ABCC1: variants seen among roughly 807,000 people sequenced by gnomAD.
ABCC1 encodes the protein multidrug resistance-associated protein 1.
In ABCC1, 83 loss-of-function variants were observed where a neutral mutation model predicts 172.9. The observed-to-expected ratio is 0.48, with a 90% CI of 0.40 to 0.58. The LOEUF is 0.58. Ranked by LOEUF, ABCC1 falls within the 20% of genes least tolerant of loss-of-function variation. The probability of loss-of-function intolerance (pLI) is 0.00; values close to 1 mark genes in which losing one functional copy is unlikely to be tolerated. For missense variants in ABCC1, 1,817 were observed against 2,002.7 expected, an observed-to-expected ratio of 0.91 and a Z score of 1.77; for synonymous variants, 937 against 825.2, an observed-to-expected ratio of 1.14 and a Z score of -2.32.
At chr16:16,076,444 A>T in intron 15 of ABCC1, 43 bp downstream of exon 15, 1 of 1,538,962 alleles carries the variant, frequency 6.5e-7, no homozygotes, top group Middle Eastern at 1.7e-4. Context: ...GGAGAGAGCC[A>T]CAGGGCTTTT....
At position 16,111,427 on chromosome 16, in the gene ABCC1, C is replaced by A; in HGVS notation, c.2924C>A (p.Ser975Tyr). ...ATGAAGGCCATCGGACTCTTCATCT[C>A]CTTCCTCAGCATCTTCCTTTTCATG... ...DYMKAIGLFISFLSIFLFMCN... is the reference protein window; with the variant it reads ...DYMKAIGLFIYFLSIFLFMCN... Residue 975 changes from serine to tyrosine, a missense_variant, in exon 22 of 31, where the codon TCC becomes TAC. This residue lies in a region of ABCC1 where 1,412 missense variants were observed against 1,600.3 expected (regional missense o/e 0.88). Transcript: ENST00000399410. The A allele has an allele frequency of 6.2e-7, 1 of 1,614,164 alleles. No individual in the cohort carries two copies. The highest frequency in any genetic ancestry group is 8.5e-7 in the Non-Finnish European group (1 of 1,180,044).
chr16:16,126,284 G>C (rs934731181), intron 26 of ABCC1, among the ~76,000 whole-genome samples: 6 of 152,182 alleles, frequency 3.9e-5, no homozygotes, highest in Non-Finnish European at 8.8e-5. Flanking sequence ...CAATTGAGAT[G>C]ATCTCCCTTC....
intron 7 of ABCC1, among the ~76,000 whole-genome samples, chr16:16,037,792 G>A (rs1340387483): frequency 1.3e-5 from 2 of 152,200 alleles, no homozygotes; most frequent in African/African-American, 4.8e-5. Context: ...AGACCCAGAT[G>A]GTGGGTGGGA....
chr16:16,108,066 C>T (rs946442244), intron 21 of ABCC1, among the ~76,000 whole-genome samples: 2 of 151,952 alleles, frequency 1.3e-5, no homozygotes, highest in Non-Finnish European at 2.9e-5. Flanking sequence ...TCCTCTCTCG[C>T]CTTACCCTTA....
At chr16:16,125,740 A>AAG in intron 25 of ABCC1, 70 bp from the exon 26 acceptor site, 2 of 1,023,234 alleles carry the variant, frequency 2.0e-6, no homozygotes, top group East Asian at 2.8e-5. Flanking sequence ...ATCTCAGTGG[A>AAG]AAAAAAGAAA....
rs2046160606 is a variant in ABCC1, at chr16:16,142,502, C to G, written c.*1221C>G. On this transcript the variant is annotated 3_prime_UTR_variant, in exon 31 of 31. Transcript: ENST00000399410. ...AGATGTTAATTCTCTCCCTTGGCAT[C>G]CGGTTAGCCCCCCAGGGGGGGCAGC... 1 of 152,190 alleles carries G rather than the reference C, an allele frequency of 6.6e-6. No individual in the cohort carries two copies. 9.4% of individuals were successfully genotyped at this position (152,190 alleles called of 1,614,324 possible).
chr16:16,136,380 C>CA (rs1461670179), intron 28 of ABCC1, 98 bp from the exon 29 acceptor site: 2 of 1,344,374 alleles, frequency 1.5e-6, no homozygotes, highest in African/African-American at 2.9e-5. Flanking sequence ...TCTGATACCC[C>CA]ACCTTCAACA....
In ABCC1 at chr16:16,022,504, G is replaced by C. The variant is rs1168097539; in HGVS notation, c.615+5883G>C. Among the ~76,000 whole-genome samples the C allele has an allele frequency of 3.9e-5, 6 of 152,270 alleles. No individual in the cohort carries two copies. The East Asian group carries it at 1.2e-3, about 29-fold the overall frequency. Reference sequence around the variant, plus strand: ...AAAGGAGATCATTTATTAGGTCCCAGCTGAAAGCAGAGGTCCTTGGACCAG... The same window carrying C: ...AAAGGAGATCATTTATTAGGTCCCACCTGAAAGCAGAGGTCCTTGGACCAG... On this transcript the variant is annotated intron_variant, in intron 5 of 30. Transcript: ENST00000399410.
intron 1 of ABCC1, among the ~76,000 whole-genome samples, chr16:15,999,811 T>TCTCCC (rs1567298862): frequency 2.9e-5 from 1 of 34,136 alleles, no homozygotes; most frequent in African/African-American, 1.1e-4. Context: ...CTCTCTCTCC[T>TCTCCC]CTCTCTCTCT....
intron 19 of ABCC1, among the ~76,000 whole-genome samples, chr16:16,100,735 A>G (rs2152052085): frequency 6.6e-6 from 1 of 152,340 alleles, no homozygotes; most frequent in South Asian, 2.1e-4. Context: ...CCATCACTGA[A>G]CACTTGCTGT....
chr16:16,106,080 T>C (rs2052085106), intron 20 of ABCC1, among the ~76,000 whole-genome samples: 1 of 152,032 alleles, frequency 6.6e-6, no homozygotes, highest in African/African-American at 2.4e-5. Flanking sequence ...TTTCACCGTG[T>C]TGGCCAGGCT....
chr16:16,033,502 G>T (rs2048629757), intron 6 of ABCC1, among the ~76,000 whole-genome samples: 1 of 152,094 alleles, frequency 6.6e-6, no homozygotes, highest in African/African-American at 2.4e-5. Context: ...TATTGACATT[G>T]TCCCCCTCCT....
chr16:16,127,436 T>C (rs2045486829), intron 26 of ABCC1, among the ~76,000 whole-genome samples: 1 of 152,196 alleles, frequency 6.6e-6, no homozygotes, highest in Non-Finnish European at 1.5e-5. Context: ...TGAGCTCTAG[T>C]GATCTGCCTG....
chr16:16,106,820 A>G lies in ABCC1; in HGVS notation c.2818A>G (p.Lys940Glu). 2 of 1,614,178 alleles carry G rather than the reference A, an allele frequency of 1.2e-6. No homozygotes were observed. The highest frequency in any genetic ancestry group is 1.7e-6 in the Non-Finnish European group (2 of 1,180,032). Reference protein sequence around the residue: ...STAELQKAEAKKEETWKLMEA... With the variant: ...STAELQKAEAEKEETWKLMEA... ...CGCAGAACTGCAGAAAGCTGAGGCC[A>G]AGAAGGAGGAGACCTGGAAGCTGAT... The change falls in exon 21 of 31, where the codon AAG becomes GAG. Residue 940 changes from lysine to glutamate, a missense_variant. Transcript: ENST00000399410.
intron 1 of ABCC1, among the ~76,000 whole-genome samples, chr16:15,966,641 TTCTC>T (rs1159502242): frequency 7.0e-6 from 1 of 143,464 alleles, no homozygotes. Context: ...TAGTTTGCTT[TTCTC>T]TCTCTCTTTT....
chr16:15,956,969 C>T (rs1473616167), intron 1 of ABCC1, among the ~76,000 whole-genome samples: 2 of 152,036 alleles, frequency 1.3e-5, no homozygotes, highest in Non-Finnish European at 2.9e-5. Flanking sequence ...GGCTTTTGGG[C>T]GGTGTCGAAA....
chr16:16,104,666 C>T (rs1596507015), intron 20 of ABCC1, among the ~76,000 whole-genome samples: 2 of 152,300 alleles, frequency 1.3e-5, no homozygotes, highest in African/African-American at 2.4e-5. Context: ...TGCCGTGCGC[C>T]CTCACTCCTC....
rs1406137716 is a variant in ABCC1, at chr16:16,143,003, A to G, written c.*1722A>G. 19 of 152,294 alleles carry G rather than the reference A, an allele frequency of 1.2e-4. 1 individual carries two copies. Among genetic ancestry groups the G allele is most frequent in the Admixed American group, 1.2e-3 (19 of 15,278 alleles). 9.4% of individuals were successfully genotyped at this position (152,294 alleles called of 1,614,324 possible). ...AGTTTTGGGGGATCCTTTTGTAATG[A>G]CTTACACTGGAAATGCGAACATTTG... On this transcript the variant is annotated 3_prime_UTR_variant, in exon 31 of 31. Transcript: ENST00000399410.
intron 7 of ABCC1, among the ~76,000 whole-genome samples, chr16:16,040,699 G>T (rs1006662004): frequency 1.1e-4 from 16 of 151,742 alleles, no homozygotes; most frequent in Non-Finnish European, 1.9e-4. Context: ...TGTTGCCCAG[G>T]CTGGTCTCCA....
Sources: gnomAD v4.1 joint callset for allele counts (sites outside exome capture counted in the v4.1 genomes callset) on GRCh38, gnomAD v4.1.1 for gene constraint, gnomAD v4.1.1 regional missense constraint, MANE v1.5 for transcripts, NCBI Gene and HGNC (gene_info 2026-07-23, HGNC 2026-07-21) for gene names.